The following MEGF11 variants were observed in gnomAD, a reference collection of about 807,000 sequenced individuals.
MEGF11 encodes multiple epidermal growth factor-like domains protein 11.
In MEGF11, 126 loss-of-function variants were observed where a neutral mutation model predicts 146.6. The observed-to-expected ratio is 0.86, with a 90% CI of 0.74 to 1.00. MEGF11 has a LOEUF of 1.00. MEGF11 is among the 50% of genes least tolerant of loss of function. The pLI is 0.00. For synonymous variants in MEGF11, 532 were observed against 583.4 expected, an observed-to-expected ratio of 0.91 and a Z score of 1.27; for missense variants, 1,509 against 1,521.2, an observed-to-expected ratio of 0.99 and a Z score of 0.13.
chr15:65,915,451 T>C lies in MEGF11; in HGVS notation c.2473+19A>G. 1 of 1,612,506 alleles carries C rather than the reference T, an allele frequency of 6.2e-7. No individual in the cohort carries two copies. Among genetic ancestry groups the C allele is most frequent in the South Asian group, 1.1e-5 (1 of 90,964 alleles). On this transcript the variant is annotated intron_variant, in intron 19 of 25. Coordinates refer to ENST00000395614, the MANE Select transcript of MEGF11 (RefSeq NM_001385028.1). The stretch of plus-strand genomic sequence containing the variant: ...GGGCCCTTTCCACAGACCCCGGGGC[T>C]CTGCCACGTGTGTATTACCTTGGTC...
At chr15:66,102,358 A>T (rs1232020826) in intron 4 of MEGF11, among the ~76,000 whole-genome samples, 1 of 41,158 alleles carries the variant, frequency 2.4e-5, no homozygotes, top group Non-Finnish European at 5.7e-5. Flanking sequence ...GAGTTCCTGC[A>T]CCTCATTTCC....
Position 66,123,939 on chromosome 15 carries a change from A to T in MEGF11, c.160T>A (p.Cys54Ser). ...TTGAACCAGTTGAGGATGTCTGTGC[A>T]TCGTGTGTAATAGATCTGATCGAAG... is the stretch of plus-strand genomic sequence containing the variant. ...HPFDQIYYTR[C>S]TDILNWFKCT... is the part of the protein sequence containing the mutation. The change falls in exon 3 of 26, where the codon TGC becomes AGC. Residue 54 changes from cysteine (C) to serine (S), a missense_variant. By Grantham distance (112) the Cys-to-Ser change is moderately radical. Transcript: ENST00000395614. 1 of 1,614,030 alleles carries T rather than the reference A, an allele frequency of 6.2e-7. No homozygotes were observed. The highest frequency in any genetic ancestry group is 8.5e-7 in the Non-Finnish European group (1 of 1,179,884).
intron 1 of MEGF11, among the ~76,000 whole-genome samples, chr15:66,236,481 A>G (rs2092094574): frequency 6.6e-6 from 1 of 152,042 alleles, no homozygotes; most frequent in Non-Finnish European, 1.5e-5. Context: ...AAGGCAAAGG[A>G]CTCCTGAGCA....
chr15:66,131,566 C>G (rs1054860664), intron 1 of MEGF11, among the ~76,000 whole-genome samples: 4 of 152,206 alleles, frequency 2.6e-5, no homozygotes, highest in African/African-American at 7.2e-5. Context: ...AGGAACCAGA[C>G]AGCGGAGAGC....
chr15:66,142,658 G>A (rs938149283), intron 1 of MEGF11, among the ~76,000 whole-genome samples: 5 of 152,220 alleles, frequency 3.3e-5, no homozygotes, highest in South Asian at 2.1e-4. Flanking sequence ...GACGGCCTGA[G>A]CTGAGCCCCC....
At chr15:65,911,935 CG>C in intron 21 of MEGF11, 146 bp downstream of exon 21, 1 of 415,884 alleles carries the variant, frequency 2.4e-6, no homozygotes, top group Non-Finnish European at 4.1e-6. Context: ...ACGTGTACCA[CG>C]GATTGCAAGG....
Position 66,085,848 on chromosome 15 carries a change from T to C in MEGF11, c.394+8554A>G, listed in dbSNP as rs183958158. Among the ~76,000 whole-genome samples the C allele has an allele frequency of 8.8e-4, 134 of 151,556 alleles. 3 individuals are homozygous for C. Among genetic ancestry groups the C allele is most frequent in the Admixed American group, 2.3e-3 (35 of 15,220 alleles). On this transcript the variant is annotated intron_variant, in intron 5 of 25. Coordinates refer to ENST00000395614, the MANE Select transcript of MEGF11 (RefSeq NM_001385028.1). ...AATCCCTGATTTACATGAAAAAGAA[T>C]TCAGGAGGTTATTAAGCTAATCAGG...
chr15:65,976,039 CCTT>C (rs1337167354), intron 7 of MEGF11, among the ~76,000 whole-genome samples: 18 of 103,822 alleles, frequency 1.7e-4, no homozygotes, highest in Middle Eastern at 6.6e-3. Context: ...CTTCAACATT[CCTT>C]TTTTTTTTTT....
chr15:65,914,177 A>G (rs1381031071), intron 19 of MEGF11: 2 of 584,898 alleles, frequency 3.4e-6, no homozygotes, highest in East Asian at 2.8e-5. Flanking sequence ...GGTCATGACA[A>G]GGAGCAATTG....
intron 24 of MEGF11, among the ~76,000 whole-genome samples, chr15:65,900,422 C>T (rs190915069): frequency 6.6e-6 from 1 of 152,348 alleles, no homozygotes; most frequent in Admixed American, 6.5e-5. Context: ...TGTGTGCCAC[C>T]ACAAGTAGTC....
At chr15:65,906,752 C>T (rs1021801780) in intron 23 of MEGF11, 5 of 152,240 alleles carry the variant, frequency 3.3e-5, no homozygotes, top group African/African-American at 1.2e-4. Flanking sequence ...TACAGACATT[C>T]CCTCCCATAG....
At chr15:65,947,736 C>T (rs1183378001) in intron 10 of MEGF11, among the ~76,000 whole-genome samples, 1 of 152,202 alleles carries the variant, frequency 6.6e-6, no homozygotes, top group Non-Finnish European at 1.5e-5. Flanking sequence ...GAAGCCCCAT[C>T]TATGCTGAAG....
In MEGF11 at chr15:66,155,278, A is replaced by C. The variant is rs1486424339; in HGVS notation, c.-8-26867T>G. On this transcript the variant is annotated intron_variant, in intron 1 of 25. Coordinates refer to ENST00000395614, the MANE Select transcript of MEGF11 (RefSeq NM_001385028.1). ...TGCCCCCCACCCCCCGCTATGGGGT[A>C]AGGGCTCAGAGGCAAGACAGGAGGG... 2.6e-5 allele frequency among the ~76,000 whole-genome samples: 4 copies of C among 152,176 alleles called. No homozygotes were observed. In the East Asian group the frequency reaches 7.7e-4, roughly 29 times the overall value.
At chr15:66,029,865 TTCCCTCCTCTGGACCTC>T (rs2083456893) in intron 5 of MEGF11, among the ~76,000 whole-genome samples, 1 of 152,204 alleles carries the variant, frequency 6.6e-6, no homozygotes, top group Admixed American at 6.5e-5. Context: ...AGCTGTCCCT[TTCCCTCCTCTGGACCTC>T]TCCCTCCTGG....
intron 1 of MEGF11, among the ~76,000 whole-genome samples, chr15:66,139,591 T>A (rs2089049253): frequency 6.8e-6 from 1 of 147,032 alleles, no homozygotes; most frequent in African/African-American, 2.5e-5. Context: ...AACATCATAT[T>A]TTTAGACCAC....
At position 66,024,681 on chromosome 15, in the gene MEGF11, T is replaced by C. The variant is rs992210042; in HGVS notation, c.395-42193A>G. ...AAGTAAATCACCCAAGGTCACTATA[T>C]AAGTGACCAAGCCAGGACTGAATCC... On this transcript the variant is annotated intron_variant, in intron 5 of 25. Coordinates refer to ENST00000395614, the MANE Select transcript of MEGF11 (RefSeq NM_001385028.1). 4.8e-4 allele frequency among the ~76,000 whole-genome samples: 73 copies of C among 152,154 alleles called. 1 individual carries two copies. Among genetic ancestry groups the C allele is most frequent in the Non-Finnish European group, 5.9e-5 (4 of 68,036 alleles).
intron 7 of MEGF11, among the ~76,000 whole-genome samples, chr15:65,978,101 T>C (rs2081511113): frequency 6.6e-6 from 1 of 152,238 alleles, no homozygotes; most frequent in Non-Finnish European, 1.5e-5. Context: ...GCAGCTCCTC[T>C]CTCCAGTTCC....
At chr15:65,975,283 C>T (rs2081412281) in intron 7 of MEGF11, among the ~76,000 whole-genome samples, 1 of 152,234 alleles carries the variant, frequency 6.6e-6, no homozygotes, top group South Asian at 2.1e-4. Flanking sequence ...CAGGCTCATG[C>T]CACCACATCT....
intron 1 of MEGF11, among the ~76,000 whole-genome samples, chr15:66,187,245 A>C (rs1437248756): frequency 6.6e-6 from 1 of 152,250 alleles, no homozygotes; most frequent in Non-Finnish European, 1.5e-5. Flanking sequence ...ATCTAGGAAC[A>C]CGCCTGGCCA....
Sources: allele counts gnomAD v4.1 joint callset (sites outside exome capture counted in the v4.1 genomes callset), GRCh38; gene constraint gnomAD v4.1.1; transcripts MANE v1.5; gene names NCBI Gene and HGNC (gene_info 2026-07-23, HGNC 2026-07-21).